Variants in TRAP1 observed in about 807,000 individuals in gnomAD.
TRAP1 encodes heat shock protein 75 kDa, mitochondrial.
Under a neutral mutation model 89.1 loss-of-function variants are expected in TRAP1, and 102 were observed. That is an observed-to-expected ratio of 1.15 (90% CI 0.98 to 1.35). The LOEUF is 1.35. Ranked by LOEUF, TRAP1 falls within the 40% of genes most tolerant of loss-of-function variation. The probability of loss-of-function intolerance (pLI) is 0.00; values close to 1 mark genes in which losing one functional copy is unlikely to be tolerated. For missense variants in TRAP1, 1,256 were observed against 945.3 expected, an observed-to-expected ratio of 1.33 and a Z score of -4.31; for synonymous variants, 508 against 388.0, an observed-to-expected ratio of 1.31 and a Z score of -3.64.
chr16:3,688,625 G>A (rs1281016000), intron 3 of TRAP1, among the ~76,000 whole-genome samples: 1 of 152,000 alleles, frequency 6.6e-6, no homozygotes, highest in Non-Finnish European at 1.5e-5. Context: ...TGGGACCACA[G>A]GTCAGTGCCC....
In TRAP1 at chr16:3,661,667, A is replaced by T. The variant is rs956370465; in HGVS notation, c.1940+320T>A. On this transcript the variant is annotated intron_variant, in intron 16 of 17. Transcript: ENST00000246957. ...ACGTGAGACTTCAGCAAACACCAAG[A>T]TCCACGTACAAAGCTCAAAACAGGC... The T allele has an allele frequency of 1.0e-5, 3 of 298,262 alleles. No homozygotes were observed. The South Asian group carries it at 4.6e-4, about 46-fold the overall frequency. 18.5% of individuals were successfully genotyped at this position (298,262 alleles called of 1,614,324 possible). A position where few individuals can be genotyped will look rare whatever the true frequency, so the allele number is the denominator to read the frequency against.
In TRAP1 at chr16:3,670,382, C is replaced by CAAAAA. The variant is rs760902038; in HGVS notation, c.1235+1335_1235+1339dup. Among the ~76,000 whole-genome samples, 122 of 22,838 alleles carry CAAAAA rather than the reference C, an allele frequency of 5.3e-3. 10 individuals are homozygous for CAAAAA. Among genetic ancestry groups the CAAAAA allele is most frequent in the Admixed American group, 0.011 (16 of 1,514 alleles). 15.0% of individuals were successfully genotyped at this position (22,838 alleles called of 152,430 possible). Reference sequence around the variant, plus strand: ...TGGGCGACAGAGCAAGACTCCGTCTCAAAAAAAAAAAAAAAAAAAAAAAAA... The same window carrying CAAAAA: ...TGGGCGACAGAGCAAGACTCCGTCTCAAAAAAAAAAAAAAAAAAAAAAAAAAAAAA... On this transcript the variant is annotated intron_variant, in intron 11 of 17. Coordinates refer to ENST00000246957, the MANE Select transcript of TRAP1 (RefSeq NM_016292.3).
intron 1 of TRAP1, among the ~76,000 whole-genome samples, chr16:3,702,346 G>T (rs1296541798): frequency 6.6e-6 from 1 of 151,958 alleles, no homozygotes; most frequent in Non-Finnish European, 1.5e-5. Context: ...GGCAAACAAG[G>T]ACGAGGTACA....
chr16:3,662,255 C>G, intron 15 of TRAP1, 123 bp from the exon 16 acceptor site: 1 of 1,206,722 alleles, frequency 8.3e-7, no homozygotes, highest in Non-Finnish European at 1.1e-6. Context: ...AAGGACTCCC[C>G]TGGACCAGCG....
At position 3,679,829 on chromosome 16, in the gene TRAP1, C is replaced by T. The variant is rs765347643; in HGVS notation, c.472-39G>A. ...CGCACTAAGTGCCAAGCCCCCAGCA[C>T]CTGGGGAGCCGGGTGAGTGCACCAG... is the stretch of plus-strand genomic sequence containing the variant. On this transcript the variant is annotated intron_variant, in intron 4 of 17. Transcript: ENST00000246957. 4 of 1,603,906 alleles carry T rather than the reference C, an allele frequency of 2.5e-6. No homozygotes were observed. In the South Asian group the frequency reaches 3.3e-5, roughly 13 times the overall value.
At position 3,666,095 on chromosome 16, in the gene TRAP1, T is replaced by C; in HGVS notation, c.1259A>G (p.Gln420Arg). The change falls in exon 12 of 18, where the codon CAG (glutamine) becomes CGG (arginine). Residue 420 changes from glutamine (Q) to arginine (R), a missense_variant. Physicochemically the swap from Gln to Arg is conservative, Grantham distance 43. Coordinates refer to ENST00000246957, the MANE Select transcript of TRAP1 (RefSeq NM_016292.3). ...GTCAATGAAGAATTTGATCAGCCTC[T>C]GCTGTAAAACGTCCCGGAGTTTCCT... Reference protein sequence around the residue: ...LIRKLRDVLQQRLIKFFIDQS... With the variant: ...LIRKLRDVLQRRLIKFFIDQS... 6.2e-7 allele frequency: 1 copy of C among 1,613,424 alleles called. No homozygotes were observed. Among genetic ancestry groups the C allele is most frequent in the Admixed American group, 1.7e-5 (1 of 59,760 alleles).
At chr16:3,678,172 G>A (rs2051024936) in intron 5 of TRAP1, 1 of 153,474 alleles carries the variant, frequency 6.5e-6, no homozygotes, top group African/African-American at 2.4e-5. Context: ...CCAAAGTCAA[G>A]TAAAATACAC....
intron 8 of TRAP1, 145 bp from the exon 9 acceptor site, chr16:3,674,639 C>T: frequency 1.0e-6 from 1 of 967,244 alleles, no homozygotes; most frequent in Middle Eastern, 3.3e-4. Context: ...GACCCCTCTC[C>T]AGCCCCACCG....
chr16:3,688,906 C>G lies in TRAP1; in HGVS notation c.330+149G>C, dbSNP rs1423157786. 4.9e-6 allele frequency: 3 copies of G among 607,406 alleles called. No individual in the cohort carries two copies. In the African/African-American group the frequency reaches 5.6e-5, roughly 11 times the overall value. 37.6% of individuals were successfully genotyped at this position (607,406 alleles called of 1,614,324 possible). ...CAAAACAGATTCTGGTAAAACTCCT[C>G]TCACTGGTAGCTTAAGATGAGGACC... is the stretch of plus-strand genomic sequence containing the variant. On this transcript the variant is annotated intron_variant, in intron 3 of 17. Transcript: ENST00000246957.
intron 1 of TRAP1, among the ~76,000 whole-genome samples, chr16:3,695,581 G>A (rs974827079): frequency 2.7e-5 from 4 of 150,468 alleles, no homozygotes; most frequent in South Asian, 2.1e-4. Flanking sequence ...AAAAGAAACC[G>A]TGAAAACAAA....
chr16:3,672,671 G>C, intron 10 of TRAP1, 29 bp downstream of exon 10: 1 of 1,594,146 alleles, frequency 6.3e-7, no homozygotes, highest in East Asian at 2.3e-5. Flanking sequence ...GGCCACGGGG[G>C]CACTGCTCAC....
intron 1 of TRAP1, among the ~76,000 whole-genome samples, chr16:3,705,301 C>A (rs2051426358): frequency 6.6e-6 from 1 of 152,084 alleles, no homozygotes; most frequent in Non-Finnish European, 1.5e-5. Flanking sequence ...GATCTCCTGA[C>A]CTCGTGATCC....
intron 1 of TRAP1, among the ~76,000 whole-genome samples, 172 bp downstream of exon 1, chr16:3,717,249 T>G (rs2051609676): frequency 6.6e-6 from 1 of 152,166 alleles, no homozygotes; most frequent in South Asian, 2.1e-4. Flanking sequence ...GCAGCCAAGC[T>G]GGAGCTGGCG....
At chr16:3,683,891 C>A (rs181252481) in intron 4 of TRAP1, among the ~76,000 whole-genome samples, 1 of 151,834 alleles carries the variant, frequency 6.6e-6, no homozygotes, top group Non-Finnish European at 1.5e-5. Context: ...TGAGACTAGG[C>A]GCGGTGGCTC....
chr16:3,715,258 G>C (rs2051582582), intron 1 of TRAP1, among the ~76,000 whole-genome samples: 1 of 152,184 alleles, frequency 6.6e-6, no homozygotes, highest in Non-Finnish European at 1.5e-5. Context: ...CTAACAGGGT[G>C]AAACCCCGTC....
At chr16:3,716,165 TTA>T (rs2051595974) in intron 1 of TRAP1, among the ~76,000 whole-genome samples, 1 of 152,208 alleles carries the variant, frequency 6.6e-6, no homozygotes, top group Admixed American at 6.5e-5. Context: ...AAGGTATCTT[TTA>T]TAGACCACTG....
intron 11 of TRAP1, among the ~76,000 whole-genome samples, chr16:3,667,795 G>C (rs1355816050): frequency 7.5e-6 from 1 of 132,912 alleles, no homozygotes; most frequent in Non-Finnish European, 1.6e-5. Flanking sequence ...TCTTGCTCTT[G>C]TCCCCCAGGC....
intron 1 of TRAP1, among the ~76,000 whole-genome samples, chr16:3,697,834 G>A (rs2151275172): frequency 6.6e-6 from 1 of 151,040 alleles, no homozygotes; most frequent in Non-Finnish European, 1.5e-5. Context: ...GTTGCCCAGA[G>A]CTGGAGTGAA....
In TRAP1 at chr16:3,717,505, C is replaced by G. The variant is rs748315970; in HGVS notation, c.4G>C (p.Ala2Pro). The G allele has an allele frequency of 1.5e-6, 2 of 1,352,636 alleles. No individual in the cohort carries two copies. The highest frequency in any genetic ancestry group is 9.5e-7 in the Non-Finnish European group (1 of 1,053,920). The allele number at this position is 1,352,636 out of a possible 1,614,324, so 83.8% of individuals were successfully genotyped here. Reference protein sequence around the residue: MARELRALLLWG... With the variant: MPRELRALLLWG... Reference sequence around the variant, plus strand: ...AGCAGCAGCGCCCGCAGCTCGCGCGCCATGTCGTACTCCCAGAGCGCCGCG... The same window carrying G: ...AGCAGCAGCGCCCGCAGCTCGCGCGGCATGTCGTACTCCCAGAGCGCCGCG... The change falls in exon 1 of 18, where the codon GCG becomes CCG. Residue 2 changes from alanine (A) to proline (P), a missense_variant. Transcript: ENST00000246957.
Sources: allele counts gnomAD v4.1 joint callset (sites outside exome capture counted in the v4.1 genomes callset), GRCh38; gene constraint gnomAD v4.1.1; transcripts MANE v1.5; gene names NCBI Gene and HGNC (gene_info 2026-07-23, HGNC 2026-07-21).